Variants in ARMH3 observed in about 807,000 individuals in gnomAD.
ARMH3 encodes armadillo-like helical domain-containing protein 3.
In ARMH3, 60 loss-of-function variants were observed where a neutral mutation model predicts 99.1. That is an observed-to-expected ratio of 0.61 (90% CI 0.49 to 0.75). The LOEUF (loss-of-function observed/expected upper bound fraction) is 0.75, where lower values mean the gene tolerates loss of function less well. Ranked by LOEUF, ARMH3 falls within the 30% of genes least tolerant of loss-of-function variation. The pLI is 0.00. For missense variants in ARMH3, 679 were observed against 843.1 expected (o/e 0.81, Z 2.41); for synonymous variants, 285 against 292.8 (o/e 0.97, Z 0.27).
chr10:102,041,831 G>C (rs1290669873), intron 1 of ARMH3, among the ~76,000 whole-genome samples: 1 of 151,938 alleles, frequency 6.6e-6, no homozygotes, highest in African/African-American at 2.4e-5. Context: ...TGTATCTTTA[G>C]TAGAGACGGG....
intron 22 of ARMH3, among the ~76,000 whole-genome samples, chr10:101,943,329 G>T (rs1263650507): frequency 6.6e-6 from 1 of 152,146 alleles, no homozygotes; most frequent in Non-Finnish European, 1.5e-5. Flanking sequence ...CTCACGGCAC[G>T]CTCCACAAAG....
At chr10:102,037,709 G>A (rs1474963647) in intron 2 of ARMH3, among the ~76,000 whole-genome samples, 1 of 151,910 alleles carries the variant, frequency 6.6e-6, no homozygotes, top group Non-Finnish European at 1.5e-5. Flanking sequence ...TAGTAGCTAG[G>A]AGTAGCTGGT....
chr10:101,862,206 C>G (rs889552059), intron 24 of ARMH3, among the ~76,000 whole-genome samples: 4 of 151,950 alleles, frequency 2.6e-5, no homozygotes, highest in South Asian at 2.1e-4. Context: ...AACAATAGTA[C>G]CAATGAAAGA....
At chr10:101,998,703 TCTC>T (rs967435312) in intron 15 of ARMH3, among the ~76,000 whole-genome samples, 2 of 152,154 alleles carry the variant, frequency 1.3e-5, no homozygotes, top group Non-Finnish European at 2.9e-5. Flanking sequence ...ATCCTGGTCT[TCTC>T]CTCCTATGCA....
At chr10:102,044,365 A>G (rs2067495194) in intron 1 of ARMH3, among the ~76,000 whole-genome samples, 1 of 144,830 alleles carries the variant, frequency 6.9e-6, no homozygotes, top group Non-Finnish European at 1.5e-5. Context: ...ATGAGCCACC[A>G]TGCCCGGCCT....
intron 19 of ARMH3, among the ~76,000 whole-genome samples, chr10:101,975,885 T>A (rs1466597460): frequency 6.8e-6 from 1 of 147,574 alleles, no homozygotes; most frequent in Non-Finnish European, 1.5e-5. Context: ...CTGGGCACGG[T>A]GGCTCACGCC....
intron 24 of ARMH3, among the ~76,000 whole-genome samples, chr10:101,875,705 C>CCT (rs1403717941): frequency 6.6e-6 from 1 of 152,162 alleles, no homozygotes; most frequent in Non-Finnish European, 1.5e-5. Context: ...AGATAATGAA[C>CCT]CTCACAGTGG....
chr10:101,978,638 A>C (rs1189218912), intron 19 of ARMH3, among the ~76,000 whole-genome samples: 1 of 152,066 alleles, frequency 6.6e-6, no homozygotes. Context: ...TGTCTACAAA[A>C]ATTAAAAACT....
At chr10:102,032,244 A>G (rs1349373547) in intron 4 of ARMH3, among the ~76,000 whole-genome samples, 1 of 152,182 alleles carries the variant, frequency 6.6e-6, no homozygotes, top group Non-Finnish European at 1.5e-5. Context: ...TGAAACTCTC[A>G]AAGTCTCTTC....
intron 24 of ARMH3, among the ~76,000 whole-genome samples, chr10:101,886,657 A>G (rs1214677909): frequency 6.6e-6 from 1 of 152,222 alleles, no homozygotes; most frequent in Non-Finnish European, 1.5e-5. Context: ...CCCCAGTGTG[A>G]AAGGCTGGGC....
intron 1 of ARMH3, among the ~76,000 whole-genome samples, chr10:102,043,073 T>C (rs1381097504): frequency 6.6e-6 from 1 of 152,118 alleles, no homozygotes; most frequent in Non-Finnish European, 1.5e-5. Flanking sequence ...ACTCCATCTC[T>C]AAGAAAAAGT....
intron 2 of ARMH3, among the ~76,000 whole-genome samples, chr10:102,036,017 C>G (rs188217005): frequency 6.6e-6 from 1 of 151,590 alleles, no homozygotes; most frequent in Admixed American, 6.6e-5. Context: ...TGCCCGGCCG[C>G]GACCCCGACT....
At chr10:101,886,898 G>C (rs1461293605) in intron 24 of ARMH3, among the ~76,000 whole-genome samples, 1 of 152,074 alleles carries the variant, frequency 6.6e-6, no homozygotes, top group African/African-American at 2.4e-5. Flanking sequence ...TTTTATTTTA[G>C]GGGTACTTTA....
intron 22 of ARMH3, among the ~76,000 whole-genome samples, chr10:101,953,190 T>C (rs1362267476): frequency 6.6e-6 from 1 of 152,166 alleles, no homozygotes; most frequent in Non-Finnish European, 1.5e-5. Context: ...AGTGCAGTGG[T>C]ACAATCTCAG....
At chr10:101,903,501 G>T (rs1025622561) in intron 23 of ARMH3, among the ~76,000 whole-genome samples, 1 of 152,196 alleles carries the variant, frequency 6.6e-6, no homozygotes, top group Non-Finnish European at 1.5e-5. Context: ...GAGGAGGGGT[G>T]CTTAGCCCAA....
rs184511792 is a variant in ARMH3 at position 101,993,768 on chromosome 10, T to G, written c.1210-165A>C. On this transcript the variant is annotated intron_variant, in intron 16 of 25. Transcript: ENST00000370033. ...CTTATGTCAAACCCTACTTAAGCCA[T>G]GAGATTTTTCTTTAGTGTAATTTCC... Among the ~76,000 whole-genome samples the G allele has an allele frequency of 7.1e-3, 1,078 of 152,326 alleles. 4 individuals are homozygous for G. The highest frequency in any genetic ancestry group is 0.011 in the Non-Finnish European group (734 of 68,022).
chr10:102,051,473 G>A (rs529069102), intron 1 of ARMH3, among the ~76,000 whole-genome samples: 2 of 147,550 alleles, frequency 1.4e-5, no homozygotes, highest in Middle Eastern at 3.4e-3. Context: ...ACTCCATTTC[G>A]GAAAAAAAAA....
At chr10:101,912,112 T>C (rs752215988) in intron 23 of ARMH3, among the ~76,000 whole-genome samples, 2 of 149,592 alleles carry the variant, frequency 1.3e-5, no homozygotes, top group Non-Finnish European at 3.0e-5. Flanking sequence ...GATTTGAGCA[T>C]GGCTGGGCGT....
At chr10:101,900,850 T>C (rs1330529662) in intron 23 of ARMH3, among the ~76,000 whole-genome samples, 1 of 151,982 alleles carries the variant, frequency 6.6e-6, no homozygotes, top group Non-Finnish European at 1.5e-5. Flanking sequence ...GCCAGCATAA[T>C]GTGCACACCT....
Sources: allele counts gnomAD v4.1 joint callset (sites outside exome capture counted in the v4.1 genomes callset), GRCh38; gene constraint gnomAD v4.1.1; transcripts MANE v1.5; gene names NCBI Gene and HGNC (gene_info 2026-07-23, HGNC 2026-07-21).